MDM1: variants seen among roughly 807,000 people sequenced by gnomAD.
MDM1 encodes stabilizer of axonemal microtubules 6.
Under a neutral mutation model 89.1 loss-of-function variants are expected in MDM1, and 61 were observed. The ratio of observed to expected loss-of-function variants is 0.68; its 90% CI spans 0.56 to 0.85. The LOEUF (loss-of-function observed/expected upper bound fraction) is 0.85. Ranked by LOEUF, MDM1 falls within the 40% of genes least tolerant of loss-of-function variation. MDM1 has a pLI of 0.00. For missense variants in MDM1, 820 were observed against 846.5 expected, an observed-to-expected ratio of 0.97 and a Z score of 0.39; for synonymous variants, 290 against 294.1, an observed-to-expected ratio of 0.99 and a Z score of 0.14.
intron 12 of MDM1, among the ~76,000 whole-genome samples, chr12:68,306,363 A>C (rs1246192427): frequency 2.6e-5 from 4 of 152,198 alleles, no homozygotes; most frequent in Admixed American, 2.0e-4. Context: ...TAAGGCAAGG[A>C]ATTTATGACT....
chr12:68,316,286 T>A (rs773635651), intron 8 of MDM1, 33 bp from the exon 9 acceptor site: 67 of 1,566,894 alleles, frequency 4.3e-5, no homozygotes, highest in Non-Finnish European at 5.5e-5. Flanking sequence ...CATATACTAT[T>A]GTAAATGCTT....
At chr12:68,301,642 C>G (rs920758903) in intron 13 of MDM1, among the ~76,000 whole-genome samples, 3 of 151,864 alleles carry the variant, frequency 2.0e-5, no homozygotes, top group East Asian at 1.9e-4. Flanking sequence ...AATTAGTAAC[C>G]CTTTCAAATT....
intron 9 of MDM1, 87 bp downstream of exon 9, chr12:68,315,991 T>C (rs1874435702): frequency 7.4e-6 from 8 of 1,086,514 alleles, no homozygotes. Context: ...AGACACATTT[T>C]GAGTAGTCAG....
At chr12:68,322,237 T>C (rs1592984287) in intron 5 of MDM1, among the ~76,000 whole-genome samples, 1 of 152,210 alleles carries the variant, frequency 6.6e-6, no homozygotes, top group Non-Finnish European at 1.5e-5. Context: ...TTCTGCAAAT[T>C]AAATGGCTGT....
intron 13 of MDM1, among the ~76,000 whole-genome samples, chr12:68,298,369 C>T (rs1322200430): frequency 2.0e-5 from 3 of 152,168 alleles, no homozygotes; most frequent in African/African-American, 4.8e-5. Flanking sequence ...TTTCTTTCAG[C>T]AGAGACACAA....
At chr12:68,318,909 C>T (rs1760132812) in intron 7 of MDM1, among the ~76,000 whole-genome samples, 1 of 152,058 alleles carries the variant, frequency 6.6e-6, no homozygotes, top group African/African-American at 2.4e-5. Context: ...GATAAAAACT[C>T]CTTTTACCCA....
intron 9 of MDM1, 23 bp downstream of exon 9, chr12:68,316,054 TG>T: frequency 1.3e-6 from 2 of 1,573,584 alleles, no homozygotes. Context: ...AAACTTTTTT[TG>T]CCATCCACAA....
intron 8 of MDM1, 120 bp from the exon 9 acceptor site, chr12:68,316,373 A>T: frequency 1.8e-6 from 2 of 1,127,620 alleles, no homozygotes; most frequent in South Asian, 1.6e-5. Flanking sequence ...AGGAAGGCAA[A>T]ATTAGCCACA....
chr12:68,299,531 G>A (rs1167544567), intron 13 of MDM1, among the ~76,000 whole-genome samples: 1 of 152,086 alleles, frequency 6.6e-6, no homozygotes, highest in African/African-American at 2.4e-5. Context: ...ACTAGAACAA[G>A]TAGAAGATAG....
intron 7 of MDM1, chr12:68,321,107 G>A (rs1282788789): frequency 2.7e-6 from 1 of 367,458 alleles, no homozygotes; most frequent in African/African-American, 2.1e-5. Flanking sequence ...TCAAATGTTT[G>A]ATGGTAAAAA....
In MDM1 at chr12:68,323,176, T is replaced by C; in HGVS notation, c.698A>G (p.Glu233Gly). The change falls in exon 5 of 15, where the codon GAA becomes GGA. Residue 233 changes from glutamate to glycine, a missense_variant. Coordinates refer to ENST00000682720, the MANE Select transcript of MDM1 (RefSeq NM_001354969.2). The part of the protein sequence containing the change: ...FKGNSVIHET[E>G]YKRNFKGLSP... ...TAAACCCTTGAAATTTCTTTTGTATTCAGTTTCATGGATGACTGAGTTACC... is the reference window on the plus strand; with the variant it reads ...TAAACCCTTGAAATTTCTTTTGTATCCAGTTTCATGGATGACTGAGTTACC... The C allele has an allele frequency of 1.9e-6, 3 of 1,610,756 alleles. No individual in the cohort carries two copies. The highest frequency in any genetic ancestry group is 2.5e-6 in the Non-Finnish European group (3 of 1,178,962).
chr12:68,322,430 C>T (rs1001194138), intron 5 of MDM1, among the ~76,000 whole-genome samples: 4 of 152,062 alleles, frequency 2.6e-5, no homozygotes, highest in Non-Finnish European at 5.9e-5. Flanking sequence ...GCTAGTAGTT[C>T]GAGACCAGCC....
At chr12:68,330,854 C>T (rs555643985) in intron 2 of MDM1, 21 of 458,814 alleles carry the variant, frequency 4.6e-5, no homozygotes, top group South Asian at 3.1e-4. Flanking sequence ...CAGTCAGTAC[C>T]GAAACAGTTG....
Position 68,302,645 on chromosome 12 carries a change from A to C in MDM1, c.1977T>G (p.Leu659=), listed in dbSNP as rs1267210143. ...WHPSRRIQGS[L]RDPEFQHNVG... ...CATTGTGCTGAAACTCTGGATCTCT[A>C]AGAGAGCCCTGAATTCGTCGAGAGG... Residue 659 remains leucine, a synonymous_variant, in exon 13 of 15, where the codon CTT becomes CTG. Coordinates refer to ENST00000682720, the MANE Select transcript of MDM1 (RefSeq NM_001354969.2). 1.2e-6 allele frequency: 2 copies of C among 1,613,630 alleles called. No individual in the cohort carries two copies. Among genetic ancestry groups the C allele is most frequent in the Non-Finnish European group, 1.7e-6 (2 of 1,179,748 alleles).
chr12:68,325,331 A>C, intron 4 of MDM1, 110 bp downstream of exon 4: 1 of 1,373,950 alleles, frequency 7.3e-7, no homozygotes, highest in Non-Finnish European at 9.5e-7. Context: ...TCTAGAACCT[A>C]CCTCCAGGCT....
chr12:68,323,412 G>C (rs371484093), intron 4 of MDM1, 172 bp from the exon 5 acceptor site: 1 of 525,656 alleles, frequency 1.9e-6, no homozygotes. Context: ...TCAACTTTAT[G>C]TACTCATTAC....
At chr12:68,329,180 A>G (rs1056290855) in intron 2 of MDM1, among the ~76,000 whole-genome samples, 3 of 152,186 alleles carry the variant, frequency 2.0e-5, no homozygotes, top group Non-Finnish European at 4.4e-5. Flanking sequence ...GGTCATTTGT[A>G]AAAAGAGGAT....
intron 4 of MDM1, 107 bp from the exon 5 acceptor site, chr12:68,323,347 GC>G (rs1168260250): frequency 1.4e-6 from 1 of 737,938 alleles, no homozygotes; most frequent in Non-Finnish European, 2.1e-6. Flanking sequence ...CAAAAAAATA[GC>G]AAAGTTATAT....
chr12:68,321,675 T>C (rs1305053806), intron 5 of MDM1, 47 bp from the exon 6 acceptor site: 1 of 1,263,284 alleles, frequency 7.9e-7, no homozygotes, highest in East Asian at 2.3e-5. Flanking sequence ...ATGTTACACA[T>C]TAAAGTGAAA....
Sources: allele counts gnomAD v4.1 joint callset (sites outside exome capture counted in the v4.1 genomes callset), GRCh38; gene constraint gnomAD v4.1.1; transcripts MANE v1.5; gene names NCBI Gene and HGNC (gene_info 2026-07-23, HGNC 2026-07-21).